The following ATP7B variants were observed in gnomAD, a reference collection of about 807,000 sequenced individuals.
The protein encoded by ATP7B is copper-transporting ATPase 2.
ATP7B carries 113 observed loss-of-function variants against 118.9 expected under a neutral mutation model. The ratio of observed to expected loss-of-function variants is 0.95; its 90% CI spans 0.82 to 1.11. The LOEUF (loss-of-function observed/expected upper bound fraction) is 1.11, where lower values mean the gene tolerates loss of function less well. Ranked by LOEUF, ATP7B falls within the 50% of genes most tolerant of loss-of-function variation. The probability of loss-of-function intolerance (pLI) is 0.00; values close to 1 mark genes in which losing one functional copy is unlikely to be tolerated. For synonymous variants in ATP7B, 777 were observed against 727.4 expected (o/e 1.07, Z -1.10); for missense variants, 1,867 against 1,871.4 (o/e 1.00, Z 0.04).
At chr13:51,958,626 TG>T in intron 7 of ATP7B, 82 bp from the exon 8 acceptor site, 1 of 1,210,106 alleles carries the variant, frequency 8.3e-7, no homozygotes, top group South Asian at 1.2e-5. Context: ...GCCCTGGGGA[TG>T]GCAAAGCCTC....
chr13:51,983,201 C>T (rs1282686910), intron 1 of ATP7B, among the ~76,000 whole-genome samples: 3 of 152,136 alleles, frequency 2.0e-5, no homozygotes, highest in African/African-American at 4.8e-5. Context: ...AGTCTGAAAT[C>T]GACCTGGGAT....
chr13:51,968,356 G>A, intron 4 of ATP7B, 88 bp downstream of exon 4: 1 of 1,583,738 alleles, frequency 6.3e-7, no homozygotes, highest in South Asian at 1.1e-5. Context: ...CGTCCAAGAT[G>A]GGGAAATTTA....
chr13:52,001,003 G>A (rs1426627138), intron 1 of ATP7B, among the ~76,000 whole-genome samples: 1 of 152,208 alleles, frequency 6.6e-6, no homozygotes, highest in Non-Finnish European at 1.5e-5. Flanking sequence ...CTGGGTGACA[G>A]TGTGAGATTC....
chr13:51,949,107 G>T (rs1268306122), intron 12 of ATP7B, among the ~76,000 whole-genome samples: 1 of 152,146 alleles, frequency 6.6e-6, no homozygotes, highest in Admixed American at 6.5e-5. Flanking sequence ...TTGAACCTGG[G>T]AGGTGGAGGT....
chr13:51,950,007 C>T lies in ATP7B; in HGVS notation c.2730G>A (p.Lys910=), dbSNP rs80145681. The change falls in exon 11 of 21, where the codon AAG becomes AAA. Residue 910 remains lysine, a splice_region_variant and synonymous_variant. Coordinates refer to ENST00000242839, the MANE Select transcript of ATP7B (RefSeq NM_000053.4). ...VKLVEEAQMS[K]APIQQLADRF... is the part of the protein sequence containing the mutation. ...TTAGTTTTAAAAATTTCTTCATTAC[C>T]TTTGACATCTGAGCCTCTTCCACCA... 104 of 1,614,154 alleles carry T rather than the reference C, an allele frequency of 6.4e-5. No homozygotes were observed. In the African/African-American group the frequency reaches 1.1e-3, roughly 18 times the overall value.
At chr13:51,941,300 C>T (rs1957317770) in intron 15 of ATP7B, 76 bp from the exon 16 acceptor site, 1 of 1,551,970 alleles carries the variant, frequency 6.4e-7, no homozygotes, top group Admixed American at 1.7e-5. Flanking sequence ...ATCCTTTTAA[C>T]AGCAAAATAT....
intron 1 of ATP7B, among the ~76,000 whole-genome samples, chr13:51,991,078 C>G (rs1349759546): frequency 6.6e-6 from 1 of 151,570 alleles, no homozygotes; most frequent in Non-Finnish European, 1.5e-5. Flanking sequence ...CGGAGCGAGA[C>G]TCTGTCTCAT....
chr13:51,996,647 TG>T (rs1953222937), intron 1 of ATP7B, among the ~76,000 whole-genome samples: 1 of 152,220 alleles, frequency 6.6e-6, no homozygotes, highest in Non-Finnish European at 1.5e-5. Flanking sequence ...CCTCATAGGT[TG>T]CCCACAGTGA....
At chr13:51,971,652 T>C (rs1274729467) in intron 2 of ATP7B, among the ~76,000 whole-genome samples, 1 of 152,226 alleles carries the variant, frequency 6.6e-6, no homozygotes. Context: ...GTGTTTTCCT[T>C]ATTGATTTTT....
chr13:51,965,143 C>A (rs1951483418), intron 4 of ATP7B, 110 bp from the exon 5 acceptor site: 10 of 1,367,864 alleles, frequency 7.3e-6, no homozygotes, highest in Admixed American at 3.7e-5. Context: ...CCCTCCTCAG[C>A]ACTGCTCTCA....
intron 6 of ATP7B, 103 bp downstream of exon 6, chr13:51,961,734 G>C: frequency 2.7e-6 from 3 of 1,125,514 alleles, no homozygotes; most frequent in Non-Finnish European, 4.0e-6. Context: ...GCTAATCCAG[G>C]AGGAAGGCAC....
At chr13:51,990,418 T>C (rs367554325) in intron 1 of ATP7B, among the ~76,000 whole-genome samples, 4 of 151,370 alleles carry the variant, frequency 2.6e-5, no homozygotes, top group African/African-American at 9.6e-5. Context: ...GAAATCTATG[T>C]CATGGTTTTT....
intron 1 of ATP7B, among the ~76,000 whole-genome samples, chr13:52,004,103 AT>A (rs201353783): frequency 1.3e-5 from 2 of 151,862 alleles, no homozygotes; most frequent in South Asian, 2.1e-4. Flanking sequence ...ACTAAAAAAA[AT>A]TACAAAAATT....
At chr13:51,972,714 T>C (rs901499582) in intron 2 of ATP7B, among the ~76,000 whole-genome samples, 20 of 152,202 alleles carry the variant, frequency 1.3e-4, no homozygotes, top group Non-Finnish European at 8.8e-5. Flanking sequence ...AAACCCATGA[T>C]GGTGGCTGAG....
chr13:51,989,973 A>C (rs1339443387), intron 1 of ATP7B, among the ~76,000 whole-genome samples: 1 of 152,160 alleles, frequency 6.6e-6, no homozygotes, highest in Non-Finnish European at 1.5e-5. Context: ...TATTCCTTTA[A>C]GACATGTACA....
At chr13:51,985,625 C>T (rs1952617284) in intron 1 of ATP7B, among the ~76,000 whole-genome samples, 1 of 152,176 alleles carries the variant, frequency 6.6e-6, no homozygotes, top group Admixed American at 6.5e-5. Flanking sequence ...TTCTTCTCAG[C>T]ACCACATTGC....
In ATP7B at chr13:51,934,833, G is replaced by A. The variant is rs757351029; in HGVS notation, c.4321C>T (p.His1441Tyr). ...CCATCATCGTCTGCTGCAGCGCTGT[G>A]CCGAGATGGCTTGTCGGACGTCAGG... ...SSLTSDKPSR[H>Y]SAAADDDGDK... Residue 1441 changes from histidine to tyrosine, a missense_variant, in exon 21 of 21, where the codon CAC becomes TAC. By Grantham distance (83) the His-to-Tyr change is moderately conservative. Coordinates refer to ENST00000242839, the MANE Select transcript of ATP7B (RefSeq NM_000053.4). 2 of 1,614,068 alleles carry A rather than the reference G, an allele frequency of 1.2e-6. No homozygotes were observed. Among genetic ancestry groups the A allele is most frequent in the African/African-American group, 2.7e-5 (2 of 74,934 alleles).
In ATP7B at chr13:51,957,854, A is replaced by C. The variant is rs543162766; in HGVS notation, c.2356-247T>G. On this transcript the variant is annotated intron_variant, in intron 8 of 20. Coordinates refer to ENST00000242839, the MANE Select transcript of ATP7B (RefSeq NM_000053.4). ...ATTACATTTCAGACTGGAAACAAAC[A>C]TCAGTCTTCCCACTGACCATTTTCT... 827 of 530,672 alleles carry C rather than the reference A, an allele frequency of 1.6e-3. 3 individuals carry two copies. The highest frequency in any genetic ancestry group is 5.4e-3 in the South Asian group (269 of 49,716). The allele number at this position is 530,672 out of a possible 1,614,324, so 32.9% of individuals were successfully genotyped here.
intron 9 of ATP7B, among the ~76,000 whole-genome samples, chr13:51,952,372 A>G (rs781586721): frequency 4.6e-5 from 7 of 152,268 alleles, no homozygotes; most frequent in Non-Finnish European, 1.0e-4. Context: ...GAAAGCAAGC[A>G]GGGCTCTGAG....
Sources: gnomAD v4.1 joint callset for allele counts (sites outside exome capture counted in the v4.1 genomes callset) on GRCh38, gnomAD v4.1.1 for gene constraint, MANE v1.5 for transcripts, NCBI Gene and HGNC (gene_info 2026-07-23, HGNC 2026-07-21) for gene names.